Variants in PALM2AKAP2 observed in about 807,000 individuals in gnomAD.
The protein encoded by PALM2AKAP2 is PALM2 and AKAP2 fusion.
A neutral mutation model predicts 71.5 loss-of-function variants in PALM2AKAP2; 37 were observed. That is an observed-to-expected ratio of 0.52 (90% CI 0.40 to 0.68). PALM2AKAP2 has a LOEUF of 0.68. PALM2AKAP2 is among the 30% of genes least tolerant of loss of function. The probability of loss-of-function intolerance (pLI) is 0.00; values close to 1 mark genes in which losing one functional copy is unlikely to be tolerated. For missense variants in PALM2AKAP2, 1,224 were observed against 1,191.8 expected, an observed-to-expected ratio of 1.03 and a Z score of -0.40; for synonymous variants, 468 against 478.8, an observed-to-expected ratio of 0.98 and a Z score of 0.29.
At chr9:110,090,281 G>T (rs1408966534) in intron 1 of PALM2AKAP2, 3 of 451,060 alleles carry the variant, frequency 6.7e-6, no homozygotes, top group East Asian at 1.4e-4. Context: ...GTGTTCCTGT[G>T]TCCTTACATC....
chr9:110,010,520 TTATATAAATTCTCTACA>T (rs563202934), intron 6 of PALM2AKAP2, among the ~76,000 whole-genome samples: 1,520 of 147,786 alleles, frequency 0.01, 25 homozygotes, highest in African/African-American at 0.036. Flanking sequence ...TATAATATAA[TTATATAAATTCTCTACA>T]TATATAAATT....
chr9:109,658,888 A>T (rs1015209558), intron 1 of PALM2AKAP2, among the ~76,000 whole-genome samples: 3 of 152,242 alleles, frequency 2.0e-5, no homozygotes, highest in African/African-American at 7.2e-5. Flanking sequence ...CAAAATCCGA[A>T]AAGTACTTAT....
At chr9:109,727,378 C>T (rs1442097710) in intron 1 of PALM2AKAP2, among the ~76,000 whole-genome samples, 1 of 152,238 alleles carries the variant, frequency 6.6e-6, no homozygotes, top group Non-Finnish European at 1.5e-5. Context: ...AGCCATCTGA[C>T]TTTGAGCAAA....
intron 2 of PALM2AKAP2, among the ~76,000 whole-genome samples, chr9:109,876,331 C>G (rs17804923): frequency 0.21 from 32,637 of 151,906 alleles, 4,402 homozygotes; most frequent in Admixed American, 0.3. Context: ...GTTAAGGAAG[C>G]CTTTTGAATT....
At chr9:109,893,576 G>A (rs911050742) in intron 3 of PALM2AKAP2, among the ~76,000 whole-genome samples, 1 of 152,170 alleles carries the variant, frequency 6.6e-6, no homozygotes, top group African/African-American at 2.4e-5. Context: ...CTCCAGAGTA[G>A]CTGGGATTAC....
chr9:109,836,812 G>A (rs1367260713), intron 1 of PALM2AKAP2, among the ~76,000 whole-genome samples: 2 of 152,192 alleles, frequency 1.3e-5, no homozygotes, highest in Admixed American at 1.3e-4. Context: ...AATGAAGTGA[G>A]AAGAGAAGTT....
intron 1 of PALM2AKAP2, among the ~76,000 whole-genome samples, chr9:109,680,544 G>A (rs1827712450): frequency 6.6e-6 from 1 of 152,188 alleles, no homozygotes; most frequent in Non-Finnish European, 1.5e-5. Context: ...GGAGCCTATG[G>A]ACTCCTTGAA....
At chr9:109,851,175 TCAACAACAA>T (rs1363599182) in intron 1 of PALM2AKAP2, among the ~76,000 whole-genome samples, 1 of 130,136 alleles carries the variant, frequency 7.7e-6, no homozygotes, top group Non-Finnish European at 1.6e-5. Context: ...AGACTCCGTC[TCAACAACAA>T]CAACAACAAC....
chr9:109,676,461 G>T (rs896100248), intron 1 of PALM2AKAP2, among the ~76,000 whole-genome samples: 1 of 152,160 alleles, frequency 6.6e-6, no homozygotes, highest in Non-Finnish European at 1.5e-5. Context: ...TGTATATACT[G>T]TGTTTTACTG....
Position 110,136,972 on chromosome 9 carries a change from G to T in PALM2AKAP2, c.1002G>T (p.Pro334=), listed in dbSNP as rs775592313. 5 of 1,614,062 alleles carry T rather than the reference G, an allele frequency of 3.1e-6. No homozygotes were observed. The Admixed American group carries it at 5.0e-5, about 16-fold the overall frequency. ...TTGCAGCAAAATGGTGGAATCCCCCGCAGGAAAAAACCATCGAGGAGCAGC... is the reference window on the plus strand; with the variant it reads ...TTGCAGCAAAATGGTGGAATCCCCCTCAGGAAAAAACCATCGAGGAGCAGC... Residue 334 remains proline, a synonymous_variant, in exon 2 of 4, where the codon CCG becomes CCT. Transcript: ENST00000374525.
intron 1 of PALM2AKAP2, among the ~76,000 whole-genome samples, chr9:109,734,834 A>G (rs1828606021): frequency 6.6e-6 from 1 of 152,154 alleles, no homozygotes; most frequent in East Asian, 1.9e-4. Context: ...CAGCACACGG[A>G]AAGAGGGTCC....
intron 5 of PALM2AKAP2, among the ~76,000 whole-genome samples, chr9:109,929,863 C>CAAAAAAAAAA (rs58029417): frequency 1.4e-5 from 1 of 69,414 alleles, no homozygotes; most frequent in Non-Finnish European, 3.0e-5. Context: ...GACTCCATTT[C>CAAAAAAAAAA]AAAAAAAAAA....
intron 1 of PALM2AKAP2, among the ~76,000 whole-genome samples, chr9:110,105,953 A>ATG (rs147554472): frequency 6.6e-6 from 1 of 152,142 alleles, no homozygotes; most frequent in African/African-American, 2.4e-5. Context: ...TTATATATAT[A>ATG]TACGCACTTT....
chr9:110,066,837 A>G (rs767193874), intron 1 of PALM2AKAP2, among the ~76,000 whole-genome samples: 1 of 152,104 alleles, frequency 6.6e-6, no homozygotes, highest in South Asian at 2.1e-4. Flanking sequence ...CTTTTTAATG[A>G]CCACAGATAC....
At chr9:109,642,965 G>A (rs963456581) in intron 1 of PALM2AKAP2, among the ~76,000 whole-genome samples, 3 of 151,346 alleles carry the variant, frequency 2.0e-5, no homozygotes, top group Admixed American at 6.6e-5. Flanking sequence ...TTGAGAATGC[G>A]CTGAGCTATA....
chr9:109,759,457 A>T (rs1294277921), intron 1 of PALM2AKAP2, among the ~76,000 whole-genome samples: 2 of 152,158 alleles, frequency 1.3e-5, no homozygotes, highest in East Asian at 3.8e-4. Flanking sequence ...GTCTCCAGCA[A>T]ATGCATCCAT....
intron 1 of PALM2AKAP2, among the ~76,000 whole-genome samples, chr9:110,132,519 A>G (rs1382811506): frequency 1.3e-5 from 2 of 150,440 alleles, no homozygotes; most frequent in Admixed American, 6.6e-5. Flanking sequence ...TAGTGGAGAC[A>G]GGGTTTCACC....
At chr9:109,762,130 G>A (rs980863046) in intron 1 of PALM2AKAP2, among the ~76,000 whole-genome samples, 54 of 151,758 alleles carry the variant, frequency 3.6e-4, no homozygotes, top group Non-Finnish European at 8.8e-5. Context: ...ACAGTGTGGC[G>A]ATTCCTCAAG....
chr9:109,665,185 G>A (rs1827462164), intron 1 of PALM2AKAP2, among the ~76,000 whole-genome samples: 1 of 152,102 alleles, frequency 6.6e-6, no homozygotes, highest in Non-Finnish European at 1.5e-5. Flanking sequence ...GCCTCCTTCT[G>A]TCAACTCGTC....
Sources: gnomAD v4.1 joint callset for allele counts (sites outside exome capture counted in the v4.1 genomes callset) on GRCh38, gnomAD v4.1.1 for gene constraint, MANE v1.5 for transcripts, NCBI Gene and HGNC (gene_info 2026-07-23, HGNC 2026-07-21) for gene names.